LRRC74A: variants seen among roughly 807,000 people sequenced by gnomAD.
The protein encoded by LRRC74A is leucine-rich repeat-containing protein 74A.
LRRC74A carries 44 observed loss-of-function variants against 57.9 expected under a neutral mutation model. The observed-to-expected ratio is 0.76, with a 90% CI of 0.60 to 0.98. The LOEUF (loss-of-function observed/expected upper bound fraction) is 0.98. Among genes scored for constraint, LRRC74A ranks in the 50% least tolerant of loss-of-function variants. The probability of loss-of-function intolerance (pLI) is 0.00; values close to 1 mark genes in which losing one functional copy is unlikely to be tolerated. For missense variants in LRRC74A, 572 were observed against 574.0 expected, an observed-to-expected ratio of 1.00 and a Z score of 0.04; for synonymous variants, 211 against 219.4, an observed-to-expected ratio of 0.96 and a Z score of 0.34.
intron 4 of LRRC74A, among the ~76,000 whole-genome samples, chr14:76,837,203 G>C (rs1368818914): frequency 6.6e-6 from 1 of 152,158 alleles, no homozygotes; most frequent in African/African-American, 2.4e-5. Context: ...CTTAAAGAAA[G>C]TAAAGACATG....
At position 76,844,446 on chromosome 14, in the gene LRRC74A, G is replaced by A. The variant is rs764204282; in HGVS notation, c.568G>A (p.Ala190Thr). ...LSGNDFKEDS[A>T]ALLCQALSTN... Reference sequence around the variant, plus strand: ...AGGAAATGACTTCAAGGAAGACTCCGCAGCACTGCTCTGCCAAGCCCTGTC... The same window carrying A: ...AGGAAATGACTTCAAGGAAGACTCCACAGCACTGCTCTGCCAAGCCCTGTC... Residue 190 changes from alanine to threonine, a missense_variant, in exon 6 of 14, where the codon GCA becomes ACA. Coordinates refer to ENST00000689127, the MANE Select transcript of LRRC74A (RefSeq NM_001385106.1). The A allele has an allele frequency of 1.8e-5, 29 of 1,612,346 alleles. No homozygotes were observed. Among genetic ancestry groups the A allele is most frequent in the South Asian group, 3.3e-5 (3 of 90,624 alleles).
intron 11 of LRRC74A, among the ~76,000 whole-genome samples, chr14:76,863,249 C>T (rs1898471583): frequency 6.9e-6 from 1 of 144,330 alleles, no homozygotes; most frequent in Non-Finnish European, 1.5e-5. Context: ...TAAAAGAAAC[C>T]CAAAGATAAC....
chr14:76,826,599 A>G lies in LRRC74A; in HGVS notation c.-99A>G, dbSNP rs746217752. On this transcript the variant is annotated 5_prime_UTR_variant, in exon 1 of 14. Coordinates refer to ENST00000689127, the MANE Select transcript of LRRC74A (RefSeq NM_001385106.1). ...ATGCCCCCAGGTGAGGGAAGTTCAC[A>G]GAGTTTGAGACAGAGGTGAATGGAC... The G allele has an allele frequency of 4.3e-6, 7 of 1,612,624 alleles. No homozygotes were observed. In the Admixed American group the frequency reaches 1.2e-4, roughly 27 times the overall value.
chr14:76,835,435 C>G (rs940606179), intron 3 of LRRC74A, among the ~76,000 whole-genome samples: 12 of 150,404 alleles, frequency 8.0e-5, no homozygotes, highest in African/African-American at 2.9e-4. Flanking sequence ...TGCAGTGAGC[C>G]GAGATCACGC....
Position 76,837,950 on chromosome 14 carries a change from A to C in LRRC74A, c.523A>C (p.Ile175Leu), listed in dbSNP as rs1896481420. 6.3e-7 allele frequency: 1 copy of C among 1,577,840 alleles called. No individual in the cohort carries two copies. Among genetic ancestry groups the C allele is most frequent in the Non-Finnish European group, 8.6e-7 (1 of 1,159,652 alleles). The change falls in exon 5 of 14, where the codon ATC becomes CTC. Residue 175 changes from isoleucine (I) to leucine (L), a missense_variant. Coordinates refer to ENST00000689127, the MANE Select transcript of LRRC74A (RefSeq NM_001385106.1). ...TTTCTTTGAGAGAAACAGTTCTTCT[A>C]TCTGGAGCCTTGAGCTTTCAGGTGA... ...SDFFERNSSS[I>L]WSLELSGNDF...
chr14:76,856,178 C>T (rs1375490451), intron 9 of LRRC74A, among the ~76,000 whole-genome samples: 10 of 152,216 alleles, frequency 6.6e-5, no homozygotes, highest in Non-Finnish European at 1.5e-4. Flanking sequence ...TTTGCACTTG[C>T]CTACTCTTTT....
intron 5 of LRRC74A, among the ~76,000 whole-genome samples, chr14:76,843,806 G>C (rs1031272130): frequency 6.7e-5 from 10 of 150,152 alleles, no homozygotes; most frequent in African/African-American, 2.5e-4. Context: ...CCAGATTCAA[G>C]CATTTCTCGT....
intron 9 of LRRC74A, among the ~76,000 whole-genome samples, chr14:76,854,033 C>T (rs17104945): frequency 0.61 from 93,226 of 151,840 alleles, 29,285 homozygotes; most frequent in Non-Finnish European, 0.69. Flanking sequence ...AGATCCTGTT[C>T]GCTGAGCCCC....
intron 10 of LRRC74A, among the ~76,000 whole-genome samples, chr14:76,858,144 G>A (rs78117744): frequency 0.074 from 11,300 of 152,306 alleles, 570 homozygotes; most frequent in Middle Eastern, 0.18. Context: ...TCCTAAGGCT[G>A]CTGTGAAGTA....
intron 7 of LRRC74A, among the ~76,000 whole-genome samples, chr14:76,847,770 C>A (rs1897203400): frequency 6.6e-6 from 1 of 152,018 alleles, no homozygotes; most frequent in South Asian, 2.1e-4. Context: ...AAATGGAGGC[C>A]TGGCACAGTG....
At chr14:76,844,366 G>T in intron 5 of LRRC74A, 57 bp from the exon 6 acceptor site, 1 of 1,508,324 alleles carries the variant, frequency 6.6e-7, no homozygotes, top group South Asian at 1.2e-5. Context: ...CAGGGGGTGG[G>T]AGAGGAAGGG....
chr14:76,828,948 T>C, intron 2 of LRRC74A: 1 of 1,219,554 alleles, frequency 8.2e-7, no homozygotes, highest in Non-Finnish European at 1.1e-6. Flanking sequence ...TGCATCCCAG[T>C]GACTTTCCCA....
intron 1 of LRRC74A, 95 bp downstream of exon 1, chr14:76,826,829 C>G: frequency 5.0e-6 from 4 of 793,464 alleles, no homozygotes; most frequent in Non-Finnish European, 7.9e-6. Flanking sequence ...CACTTCTTTC[C>G]TCACCTGGGA....
At chr14:76,838,450 A>G (rs1896522048) in intron 5 of LRRC74A, among the ~76,000 whole-genome samples, 1 of 152,254 alleles carries the variant, frequency 6.6e-6, no homozygotes, top group Non-Finnish European at 1.5e-5. Flanking sequence ...TTACAGGTGA[A>G]TAGAATTAGT....
At chr14:76,851,726 C>G (rs1169093168) in intron 7 of LRRC74A, among the ~76,000 whole-genome samples, 2 of 150,000 alleles carry the variant, frequency 1.3e-5, no homozygotes, top group Non-Finnish European at 3.0e-5. Flanking sequence ...AGTGCAGTGG[C>G]GTGATCTCCA....
chr14:76,866,073 G>T lies in LRRC74A; in HGVS notation c.1306G>T (p.Glu436Ter). The T allele has an allele frequency of 2.6e-6, 4 of 1,539,266 alleles. No homozygotes were observed. Among genetic ancestry groups the T allele is most frequent in the Non-Finnish European group, 3.6e-6 (4 of 1,120,422 alleles). Residue 436 changes from glutamate (E) to a stop codon, truncating the protein, a stop_gained and splice_region_variant, in exon 12 of 14, where the codon GAG becomes TAG. Transcript: ENST00000689127. LOFTEE classifies it high-confidence loss of function. ...SVDEFQKVMI[E>*]QNKVPLNQYQ... ...GGATGAGTTCCAGAAAGTGATGATA[G>T]AGGTGTGCTGGGTCCTAGTGGCAAC...
chr14:76,849,836 C>A (rs1185774077), intron 7 of LRRC74A, among the ~76,000 whole-genome samples: 27 of 148,140 alleles, frequency 1.8e-4, no homozygotes, highest in African/African-American at 4.7e-4. Context: ...AAAAAAAAAA[C>A]CCAACACTTA....
In LRRC74A at chr14:76,837,885, A is replaced by G; in HGVS notation, c.458A>G (p.Asn153Ser). ...TTTCTTGCCTTTTAGAATATTTCCA[A>G]CAATCACCTTGGTTTGGAGGGGGCC... is the stretch of plus-strand genomic sequence containing the variant. ...NYYLQEMNISNNHLGLEGARI... is the reference protein window; with the variant it reads ...NYYLQEMNISSNHLGLEGARI... The change falls in exon 5 of 14, where the codon AAC becomes AGC. Residue 153 changes from asparagine to serine, a missense_variant. Transcript: ENST00000689127. 6.3e-7 allele frequency: 1 copy of G among 1,586,170 alleles called. No individual in the cohort carries two copies.
chr14:76,865,148 G>T (rs1898680300), intron 11 of LRRC74A, among the ~76,000 whole-genome samples: 1 of 152,208 alleles, frequency 6.6e-6, no homozygotes, highest in South Asian at 2.1e-4. Context: ...TAATACACTT[G>T]ATCCTTGAAC....
Sources: gnomAD v4.1 joint callset for allele counts (sites outside exome capture counted in the v4.1 genomes callset) on GRCh38, gnomAD v4.1.1 for gene constraint, MANE v1.5 for transcripts, NCBI Gene and HGNC (gene_info 2026-07-23, HGNC 2026-07-21) for gene names.